The following NCAPD3 variants were observed in gnomAD, a reference collection of about 807,000 sequenced individuals.
NCAPD3 encodes the protein non-SMC condensin II complex subunit D3, also known as condensin-2 complex subunit D3.
Under a neutral mutation model 182.9 loss-of-function variants are expected in NCAPD3, and 105 were observed. The observed-to-expected ratio is 0.57, with a 90% CI of 0.49 to 0.68. NCAPD3 has a LOEUF of 0.68. Ranked by LOEUF, NCAPD3 falls within the 30% of genes least tolerant of loss-of-function variation. The probability of loss-of-function intolerance (pLI) is 0.00; values close to 1 mark genes in which losing one functional copy is unlikely to be tolerated. For missense variants in NCAPD3, 1,944 were observed against 1,837.0 expected (o/e 1.06, Z -1.07); for synonymous variants, 815 against 679.9 (o/e 1.20, Z -3.09).
In NCAPD3 at chr11:134,203,887, G is replaced by A; in HGVS notation, c.1235C>T (p.Thr412Ile). 1.2e-6 allele frequency: 2 copies of A among 1,613,788 alleles called. No homozygotes were observed. Among genetic ancestry groups the A allele is most frequent in the Non-Finnish European group, 1.7e-6 (2 of 1,179,730 alleles). ...TAACAGAGCTAAGACAACATCAAGA[G>A]TAAAAACCCGGTGTGGGATCTGGTA... is the stretch of plus-strand genomic sequence containing the variant. Reference protein sequence around the residue: ...RSSKIPHRVFTLDVVLALLEL... With the variant: ...RSSKIPHRVFILDVVLALLEL... The change falls in exon 11 of 35, where the codon ACT (threonine) becomes ATT (isoleucine). Residue 412 changes from threonine (T) to isoleucine (I), a missense_variant. Thr to Ile is a moderately conservative substitution (Grantham distance 89). Coordinates refer to ENST00000534548, the MANE Select transcript of NCAPD3 (RefSeq NM_015261.3).
intron 24 of NCAPD3, among the ~76,000 whole-genome samples, chr11:134,171,701 T>A (rs572183540): frequency 6.6e-6 from 1 of 152,302 alleles, no homozygotes; most frequent in African/African-American, 2.4e-5. Flanking sequence ...CCTGCATTGC[T>A]GCTTCCTTCC....
At position 134,179,786 on chromosome 11, in the gene NCAPD3, C is replaced by T. The variant is rs144083419; in HGVS notation, c.2560-850G>A. On this transcript the variant is annotated intron_variant, in intron 20 of 34. Coordinates refer to ENST00000534548, the MANE Select transcript of NCAPD3 (RefSeq NM_015261.3). The stretch of plus-strand genomic sequence containing the variant: ...AATATTGTTCTTTTTTTATTTACAC[C>T]CCAAATGAAGGGATGATGCTGAATA... Among the ~76,000 whole-genome samples the T allele has an allele frequency of 4.0e-4, 61 of 151,824 alleles. 1 individual carries two copies. Among genetic ancestry groups the T allele is most frequent in the Admixed American group, 1.6e-3 (24 of 15,264 alleles).
chr11:134,182,432 T>C (rs550012521), intron 19 of NCAPD3, among the ~76,000 whole-genome samples: 96 of 152,382 alleles, frequency 6.3e-4, no homozygotes, highest in African/African-American at 2.2e-3. Flanking sequence ...AAGTCCTTCA[T>C]AAATTTGAAT....
chr11:134,174,500 C>CAT lies in NCAPD3; in HGVS notation c.3101+1805_3101+1806dup, dbSNP rs747096177. On this transcript the variant is annotated intron_variant, in intron 24 of 34. Transcript: ENST00000534548. ...GCACAGAAAGATACATATATATATA[C>CAT]ATATATATATACACACCACACACTC... 1.6e-4 allele frequency among the ~76,000 whole-genome samples: 24 copies of CAT among 147,996 alleles called. 1 individual carries two copies. Among genetic ancestry groups the CAT allele is most frequent in the East Asian group, 1.6e-3 (8 of 4,994 alleles).
At chr11:134,163,515 C>T (rs1258995945) in intron 27 of NCAPD3, among the ~76,000 whole-genome samples, 2 of 151,886 alleles carry the variant, frequency 1.3e-5, no homozygotes, top group Non-Finnish European at 2.9e-5. Context: ...CTGGCAAACA[C>T]TGTGAAACCC....
intron 19 of NCAPD3, among the ~76,000 whole-genome samples, chr11:134,182,515 T>C (rs1039425554): frequency 3.3e-5 from 5 of 152,230 alleles, no homozygotes; most frequent in African/African-American, 1.2e-4. Context: ...CTGCAGTTCC[T>C]TACATAACTT....
chr11:134,160,583 GTCT>G (rs1199081821), intron 28 of NCAPD3, among the ~76,000 whole-genome samples: 5 of 152,138 alleles, frequency 3.3e-5, no homozygotes, highest in Admixed American at 1.3e-4. Flanking sequence ...CCATCTTTGT[GTCT>G]TCTTCTGAAG....
At chr11:134,225,374 C>G, upstream of NCAPD3, 1 of 1,609,120 alleles carries the variant, frequency 6.2e-7, no homozygotes, top group Non-Finnish European at 8.5e-7. Flanking sequence ...CCCCCTCCCC[C>G]AGCGCCGACA....
chr11:134,161,970 T>C, intron 27 of NCAPD3, 79 bp from the exon 28 acceptor site: 2 of 702,738 alleles, frequency 2.8e-6, no homozygotes, highest in Non-Finnish European at 4.7e-6. Context: ...GTTCTTTGAG[T>C]AGAGCCACCC....
Position 134,160,973 on chromosome 11 carries a change from A to G in NCAPD3, c.3684+808T>C, listed in dbSNP as rs535191549. Among the ~76,000 whole-genome samples the G allele has an allele frequency of 4.0e-5, 6 of 151,736 alleles. No individual in the cohort carries two copies. The South Asian group carries it at 6.2e-4, about 16-fold the overall frequency. On this transcript the variant is annotated intron_variant, in intron 28 of 34. Coordinates refer to ENST00000534548, the MANE Select transcript of NCAPD3 (RefSeq NM_015261.3). ...TTTTTTTTTTTCCTTTCTAGGGTCT[A>G]AAGTCAGGCAATAAATACAAGAATA...
intron 13 of NCAPD3, among the ~76,000 whole-genome samples, chr11:134,198,203 G>A (rs758277872): frequency 6.6e-6 from 1 of 152,120 alleles, no homozygotes; most frequent in Admixed American, 6.5e-5. Context: ...GATAAGAAAC[G>A]TTTACAATCT....
At chr11:134,153,507 G>A in intron 32 of NCAPD3, 144 bp from the exon 33 acceptor site, 4 of 801,412 alleles carry the variant, frequency 5.0e-6, no homozygotes, top group Non-Finnish European at 8.6e-6. Flanking sequence ...CTGTCCCAGG[G>A]CCTGGCAGTG....
chr11:134,151,063 A>T lies in NCAPD3; in HGVS notation c.*1881T>A, dbSNP rs1943215515. Reference sequence around the variant, plus strand: ...TCACATGCCCTGCCGTGCTGGACTCAGGACTGAAGTGCTGTAAAGCAAGGA... The same window carrying T: ...TCACATGCCCTGCCGTGCTGGACTCTGGACTGAAGTGCTGTAAAGCAAGGA... On this transcript the variant is annotated 3_prime_UTR_variant, in exon 35 of 35. Transcript: ENST00000534548. 1 of 152,300 alleles carries T rather than the reference A, an allele frequency of 6.6e-6. No individual in the cohort carries two copies. The highest frequency in any genetic ancestry group is 6.5e-5 in the Admixed American group (1 of 15,290). The allele number at this position is 152,300 out of a possible 1,614,324, so 9.4% of individuals were successfully genotyped here. A position where few individuals can be genotyped will look rare whatever the true frequency, so the allele number is the denominator to read the frequency against.
In NCAPD3 at chr11:134,178,714, G is replaced by A. The variant is rs1198872574; in HGVS notation, c.2702C>T (p.Ala901Val). The A allele has an allele frequency of 6.2e-7, 1 of 1,605,676 alleles. No homozygotes were observed. Residue 901 changes from alanine to valine, a missense_variant, in exon 22 of 35, where the codon GCC (alanine) becomes GTC (valine). Physicochemically the swap from Ala to Val is moderately conservative, Grantham distance 64. This residue lies in a region of NCAPD3 where 1,803 missense variants were observed against 1,674.6 expected (regional missense o/e 1.08). Coordinates refer to ENST00000534548, the MANE Select transcript of NCAPD3 (RefSeq NM_015261.3). ...HSPSSQGSSEAPASQPPPQVR... is the reference protein window; with the variant it reads ...HSPSSQGSSEVPASQPPPQVR... ...CTGGGGGGGTGGCTGAGACGCTGGG[G>A]CCTCACTGCTGCCTTGAGATGATGG...
intron 27 of NCAPD3, among the ~76,000 whole-genome samples, chr11:134,162,310 C>T (rs868258702): frequency 1.3e-5 from 2 of 152,194 alleles, no homozygotes; most frequent in Admixed American, 6.5e-5. Context: ...CGTATTCCTG[C>T]TGGTGAAGGG....
rs527285444 is a variant in NCAPD3, at chr11:134,152,966, G to A, written c.4475C>T (p.Thr1492Ile). Residue 1492 changes from threonine to isoleucine, a missense_variant, in exon 35 of 35, where the codon ACC becomes ATC. Physicochemically the swap from Thr to Ile is moderately conservative, Grantham distance 89. Transcript: ENST00000534548. ...TGTTTAGTTGGCTGTTTTCAGAGGG[G>A]TCTTTCGGAGGGACCTCCTGCTGCA... ...PACSRRSLRK[T>I]PLKTAN is the part of the protein sequence containing the mutation. The A allele has an allele frequency of 3.8e-6, 6 of 1,564,442 alleles. No homozygotes were observed. Among genetic ancestry groups the A allele is most frequent in the East Asian group, 4.5e-5 (2 of 44,394 alleles).
intron 31 of NCAPD3, among the ~76,000 whole-genome samples, chr11:134,157,601 TAAG>T (rs1268362428): frequency 6.6e-6 from 1 of 152,166 alleles, no homozygotes; most frequent in Admixed American, 6.5e-5. Flanking sequence ...ACATCTGACT[TAAG>T]AATGCAGGGA....
intron 24 of NCAPD3, among the ~76,000 whole-genome samples, chr11:134,172,473 C>T (rs1016568980): frequency 6.6e-6 from 1 of 152,188 alleles, no homozygotes; most frequent in African/African-American, 2.4e-5. Flanking sequence ...TAGTCGCGTG[C>T]TTGCTTCCTT....
At position 134,185,488 on chromosome 11, in the gene NCAPD3, T is replaced by C; in HGVS notation, c.2084A>G (p.Lys695Arg). 6.2e-7 allele frequency: 1 copy of C among 1,611,382 alleles called. No homozygotes were observed. The highest frequency in any genetic ancestry group is 1.3e-5 in the African/African-American group (1 of 74,888). ...LNKAFHIWSK[K>R]EKFSPTFINN... Reference sequence around the variant, plus strand: ...TATAAAAGTGGGTGAGAATTTTTCTTTCTTGGACCAGATATGAAAAGCCTT... The same window carrying C: ...TATAAAAGTGGGTGAGAATTTTTCTCTCTTGGACCAGATATGAAAAGCCTT... Residue 695 changes from lysine (K) to arginine (R), a missense_variant, in exon 17 of 35, where the codon AAA becomes AGA. Transcript: ENST00000534548.
Sources: allele counts gnomAD v4.1 joint callset (sites outside exome capture counted in the v4.1 genomes callset), GRCh38; gene constraint gnomAD v4.1.1; regional missense constraint gnomAD v4.1.1; transcripts MANE v1.5; gene names NCBI Gene and HGNC (gene_info 2026-07-23, HGNC 2026-07-21).